EMC2: variants seen among roughly 807,000 people sequenced by gnomAD.
The protein encoded by EMC2 is ER membrane protein complex subunit 2.
EMC2 carries 37 observed loss-of-function variants against 51.6 expected under a neutral mutation model. The ratio of observed to expected loss-of-function variants is 0.72; its 90% CI spans 0.55 to 0.94. The LOEUF (loss-of-function observed/expected upper bound fraction) is 0.94. Among genes scored for constraint, EMC2 ranks in the 40% least tolerant of loss-of-function variants. The pLI is 0.00. For synonymous variants in EMC2, 131 were observed against 112.4 expected (o/e 1.17, Z -1.04); for missense variants, 359 against 350.9 (o/e 1.02, Z -0.18).
At chr8:108,475,805 T>C (rs1172141910) in intron 7 of EMC2, 77 bp from the exon 8 acceptor site, 11 of 773,538 alleles carry the variant, frequency 1.4e-5, no homozygotes, top group Non-Finnish European at 2.2e-5. Flanking sequence ...AAAGTTGTTT[T>C]TAAATTATTT....
intron 5 of EMC2, among the ~76,000 whole-genome samples, chr8:108,458,009 C>T (rs1819211060): frequency 6.6e-6 from 1 of 152,160 alleles, no homozygotes; most frequent in Non-Finnish European, 1.5e-5. Flanking sequence ...TACAGCCATT[C>T]CAAATGGGGG....
At chr8:108,469,001 C>T (rs1810797132) in intron 5 of EMC2, among the ~76,000 whole-genome samples, 1 of 152,054 alleles carries the variant, frequency 6.6e-6, no homozygotes, top group Admixed American at 6.6e-5. Flanking sequence ...ACCGTCTTTG[C>T]TTTCTGTCTT....
chr8:108,446,714 G>A (rs1224307554), intron 1 of EMC2, among the ~76,000 whole-genome samples: 1 of 152,070 alleles, frequency 6.6e-6, no homozygotes, highest in African/African-American at 2.4e-5. Context: ...AGCTATCAAA[G>A]GTGAAAACAT....
At chr8:108,470,577 C>T (rs1192401879) in intron 7 of EMC2, among the ~76,000 whole-genome samples, 1 of 152,104 alleles carries the variant, frequency 6.6e-6, no homozygotes, top group Non-Finnish European at 1.5e-5. Context: ...AAAGTAGAAG[C>T]ATTCTGTTGC....
chr8:108,455,015 A>T, intron 4 of EMC2, among the ~76,000 whole-genome samples: 1 of 150,398 alleles, frequency 6.6e-6, no homozygotes. Flanking sequence ...TTTGTTTTTG[A>T]TTTTCTGTAA....
intron 5 of EMC2, among the ~76,000 whole-genome samples, chr8:108,456,614 A>G (rs1819167453): frequency 6.6e-6 from 1 of 152,124 alleles, no homozygotes; most frequent in African/African-American, 2.4e-5. Context: ...CCTTTAATTT[A>G]GTGTAATTTT....
Position 108,487,532 on chromosome 8 carries a change from T to C in EMC2, c.*934T>C, listed in dbSNP as rs1365661131. On this transcript the variant is annotated 3_prime_UTR_variant, in exon 11 of 11. Transcript: ENST00000220853. Reference sequence around the variant, plus strand: ...CAGTATTTGACATGTTTCAACAAAATAGAAGAGACTTGAAAGTTAAATTTC... The same window carrying C: ...CAGTATTTGACATGTTTCAACAAAACAGAAGAGACTTGAAAGTTAAATTTC... Among the ~76,000 whole-genome samples, 3 of 152,012 alleles carry C rather than the reference T, an allele frequency of 2.0e-5. No homozygotes were observed. Among genetic ancestry groups the C allele is most frequent in the Non-Finnish European group, 4.4e-5 (3 of 67,970 alleles).
chr8:108,454,840 C>T (rs2130348132), intron 4 of EMC2, among the ~76,000 whole-genome samples: 1 of 152,116 alleles, frequency 6.6e-6, no homozygotes, highest in East Asian at 1.9e-4. Flanking sequence ...GGCAGTTTCT[C>T]AGGATACAGA....
At chr8:108,460,924 C>G (rs2130365669) in intron 5 of EMC2, among the ~76,000 whole-genome samples, 1 of 152,282 alleles carries the variant, frequency 6.6e-6, no homozygotes, top group East Asian at 1.9e-4. Context: ...CTCTCATGAA[C>G]CATCAAAGAG....
Position 108,443,654 on chromosome 8 carries a change from G to C in EMC2, c.-5G>C, listed in dbSNP as rs959493395. On this transcript the variant is annotated 5_prime_UTR_variant, in exon 1 of 11. Transcript: ENST00000220853. ...CTCACCCCGCTGCCTCTAGGTTCTG[G>C]GAAGATGGCGAAGGTCTCAGAGCTT... is the stretch of plus-strand genomic sequence containing the variant. 2 of 1,608,806 alleles carry C rather than the reference G, an allele frequency of 1.2e-6. No individual in the cohort carries two copies. The highest frequency in any genetic ancestry group is 4.5e-5 in the East Asian group (2 of 44,608).
At chr8:108,475,833 A>G (rs2130400984) in intron 7 of EMC2, 49 bp from the exon 8 acceptor site, 1 of 1,071,246 alleles carries the variant, frequency 9.3e-7, no homozygotes, top group East Asian at 2.4e-5. Flanking sequence ...TAACTAAGAT[A>G]AAAATTTGTG....
At chr8:108,460,517 C>T (rs1216749869) in intron 5 of EMC2, among the ~76,000 whole-genome samples, 1 of 152,194 alleles carries the variant, frequency 6.6e-6, no homozygotes, top group Non-Finnish European at 1.5e-5. Flanking sequence ...ACCCCGATCA[C>T]ATGTGATGAG....
chr8:108,467,455 T>G (rs1810749715), intron 5 of EMC2, among the ~76,000 whole-genome samples: 1 of 152,136 alleles, frequency 6.6e-6, no homozygotes, highest in Admixed American at 6.5e-5. Context: ...TTCAGTTGAT[T>G]CTCCTGCCTC....
At position 108,489,038 on chromosome 8, in the gene EMC2, T is replaced by C. The variant is rs538243487; in HGVS notation, c.*2440T>C. Among the ~76,000 whole-genome samples the C allele has an allele frequency of 4.6e-5, 7 of 152,224 alleles. No individual in the cohort carries two copies. The highest frequency in any genetic ancestry group is 1.7e-4 in the African/African-American group (7 of 41,542). The stretch of plus-strand genomic sequence containing the variant: ...TCAAACAACCATGAAACAGCAAATG[T>C]GAGAATGAAAGTTACATTTCAGAGA... On this transcript the variant is annotated 3_prime_UTR_variant, in exon 11 of 11. Transcript: ENST00000220853.
intron 7 of EMC2, among the ~76,000 whole-genome samples, chr8:108,472,374 A>G (rs1422892228): frequency 1.3e-5 from 2 of 151,872 alleles, no homozygotes; most frequent in Non-Finnish European, 2.9e-5. Context: ...ATGTACACTT[A>G]AGAGAAATGA....
Position 108,479,079 on chromosome 8 carries a change from G to C in EMC2, c.776G>C (p.Trp259Ser). The C allele has an allele frequency of 6.3e-7, 1 of 1,581,832 alleles. No individual in the cohort carries two copies. Among genetic ancestry groups the C allele is most frequent in the South Asian group, 1.2e-5 (1 of 85,688 alleles). ...TKKDNMKYASWAASQINRAYQ... is the reference protein window; with the variant it reads ...TKKDNMKYASSAASQINRAYQ... Reference sequence around the variant, plus strand: ...AAGGACAACATGAAATATGCTAGTTGGGCAGCTAGTCAAATAAACAGAGCT... The same window carrying C: ...AAGGACAACATGAAATATGCTAGTTCGGCAGCTAGTCAAATAAACAGAGCT... Residue 259 changes from tryptophan (W) to serine (S), a missense_variant, in exon 10 of 11, where the codon TGG becomes TCG. By Grantham distance (177) the Trp-to-Ser change is radical (BLOSUM62 -3). Coordinates refer to ENST00000220853, the MANE Select transcript of EMC2 (RefSeq NM_014673.5).
chr8:108,450,654 A>T (rs1818995495), intron 3 of EMC2, among the ~76,000 whole-genome samples, 162 bp downstream of exon 3: 1 of 152,194 alleles, frequency 6.6e-6, no homozygotes, highest in African/African-American at 2.4e-5. Flanking sequence ...AAAGTATCTT[A>T]TATCTTTTTA....
chr8:108,458,660 T>C (rs10464817), intron 5 of EMC2, among the ~76,000 whole-genome samples: 1 of 151,846 alleles, frequency 6.6e-6, no homozygotes, highest in Admixed American at 6.6e-5. Flanking sequence ...GGTTGCACAC[T>C]GCACGGGACC....
chr8:108,455,216 G>A (rs776541638), intron 4 of EMC2, among the ~76,000 whole-genome samples: 3 of 151,186 alleles, frequency 2.0e-5, no homozygotes, highest in Non-Finnish European at 3.0e-5. Flanking sequence ...TTTTGTAATC[G>A]TACACACTTC....
Sources: gnomAD v4.1 joint callset for allele counts (sites outside exome capture counted in the v4.1 genomes callset) on GRCh38, gnomAD v4.1.1 for gene constraint, MANE v1.5 for transcripts, NCBI Gene and HGNC (gene_info 2026-07-23, HGNC 2026-07-21) for gene names.